The following CEBPE variants were observed in gnomAD, a reference collection of about 807,000 sequenced individuals.
CEBPE encodes the protein CCAAT enhancer binding protein epsilon, also known as CCAAT/enhancer-binding protein epsilon.
Under a neutral mutation model 20.4 loss-of-function variants are expected in CEBPE, and 10 were observed. The observed-to-expected ratio is 0.49, with a 90% CI of 0.30 to 0.83. The LOEUF (loss-of-function observed/expected upper bound fraction) is 0.83. CEBPE is among the 40% of genes least tolerant of loss of function. The pLI is 0.06. For synonymous variants in CEBPE, 179 were observed against 162.6 expected (o/e 1.10, Z -0.77); for missense variants, 389 against 383.3 (o/e 1.01, Z -0.12).
Position 23,119,117 on chromosome 14 carries a change from G to A in CEBPE, c.-26C>T, listed in dbSNP as rs750827018. ...GGCCGGCCCGCCCCCTCGGCTCCCC[G>A]CCCCCACCTGCTCTTGAGGCACCCC... is the stretch of plus-strand genomic sequence containing the variant. On this transcript the variant is annotated 5_prime_UTR_variant, in exon 1 of 2. Coordinates refer to ENST00000206513, the MANE Select transcript of CEBPE (RefSeq NM_001805.4). The A allele has an allele frequency of 2.3e-5, 22 of 950,308 alleles. No homozygotes were observed. The African/African-American group carries it at 4.7e-4, about 20-fold the overall frequency. The allele number at this position is 950,308 out of a possible 1,614,324, so 58.9% of individuals were successfully genotyped here.
rs766049556 is a variant in CEBPE at position 23,118,973 on chromosome 14, A to G, written c.119T>C (p.Ile40Thr). Residue 40 changes from isoleucine to threonine, a missense_variant, in exon 1 of 2, where the codon ATT becomes ACT. Ile to Thr is a moderately conservative substitution (Grantham distance 89). This residue lies in a region of CEBPE where 294 missense variants were observed against 279.7 expected (regional missense o/e 1.05). Coordinates refer to ENST00000206513, the MANE Select transcript of CEBPE (RefSeq NM_001805.4). The surrounding 1 kb of genome is among the most constrained non-coding windows in gnomAD (Gnocchi z 5.5). ...AGACTCGATGTAGGCGGAGAGGTCA[A>G]TGGAGGCCTCATGCTCACACATGTC... ...LGDMCEHEASIDLSAYIESGE... is the reference protein window; with the variant it reads ...LGDMCEHEASTDLSAYIESGE... 1.2e-5 allele frequency: 20 copies of G among 1,613,828 alleles called. No homozygotes were observed. In the Admixed American group the frequency reaches 3.3e-4, roughly 27 times the overall value.
Position 23,118,878 on chromosome 14 carries a change from G to A in CEBPE, c.214C>T (p.Pro72Ser). 1 of 1,614,022 alleles carries A rather than the reference G, an allele frequency of 6.2e-7. No homozygotes were observed. The highest frequency in any genetic ancestry group is 8.5e-7 in the Non-Finnish European group (1 of 1,179,972). ...PAPEARGLKG[P>S]GTPAFPHYLP... ...TAGTGGGGGAAGGCAGGGGTTCCGG[G>A]GCCCTTGAGGCCTCTGGCCTCAGGC... is the stretch of plus-strand genomic sequence containing the variant. The change falls in exon 1 of 2, where the codon CCC becomes TCC. Residue 72 changes from proline to serine, a missense_variant. Pro to Ser is a moderately conservative substitution (Grantham distance 74). Around this residue, in one of 3 missense-constraint regions of CEBPE, gnomAD observed 294 missense variants for 279.7 expected, o/e 1.05. Coordinates refer to ENST00000206513, the MANE Select transcript of CEBPE (RefSeq NM_001805.4). The surrounding 1 kb of genome is among the most constrained non-coding windows in gnomAD (Gnocchi z 5.5).
Position 23,119,186 on chromosome 14 carries a change from G to A in CEBPE, c.-95C>T. ...CCTCTCTCTACCTCCTCCTGACCTGGGCCTGCCCTCTCTCGATCTTCTGCC... is the reference window on the plus strand; with the variant it reads ...CCTCTCTCTACCTCCTCCTGACCTGAGCCTGCCCTCTCTCGATCTTCTGCC... On this transcript the variant is annotated 5_prime_UTR_variant, in exon 1 of 2. Coordinates refer to ENST00000206513, the MANE Select transcript of CEBPE (RefSeq NM_001805.4). 1 of 833,600 alleles carries A rather than the reference G, an allele frequency of 1.2e-6. No homozygotes were observed. Among genetic ancestry groups the A allele is most frequent in the African/African-American group, 1.7e-5 (1 of 59,248 alleles). 51.6% of individuals were successfully genotyped at this position (833,600 alleles called of 1,614,324 possible).
chr14:23,118,698 C>T lies in CEBPE; in HGVS notation c.394G>A (p.Ala132Thr). 1.2e-6 allele frequency: 2 copies of T among 1,613,272 alleles called. No homozygotes were observed. The highest frequency in any genetic ancestry group is 1.7e-6 in the Non-Finnish European group (2 of 1,179,906). ...EEPRGPEGSR[A>T]ASRGSYNPLQ... ...GGATTGTAGCTGCCTCGGCTGGCAG[C>T]TCGGCTGCCCTCTGGCCCCCGGGGC... The change falls in exon 1 of 2, where the codon GCT (alanine) becomes ACT (threonine). Residue 132 changes from alanine to threonine, a missense_variant. Physicochemically the swap from Ala to Thr is moderately conservative, Grantham distance 58 (BLOSUM62 0). This residue lies in a region of CEBPE where 294 missense variants were observed against 279.7 expected (regional missense o/e 1.05). Transcript: ENST00000206513. This position sits in a 1 kb window ranked among gnomAD's most constrained non-coding sequence, Gnocchi z 5.5.
rs1433033805 is a variant in CEBPE at position 23,117,538 on chromosome 14, G to C, written c.795C>G (p.Arg265=). The change falls in exon 2 of 2, where the codon CGC becomes CGG. Residue 265 remains arginine, a synonymous_variant. Coordinates refer to ENST00000206513, the MANE Select transcript of CEBPE (RefSeq NM_001805.4). ...QELDTLRNLF[R]QIPEAANLIK... ...TGAGGTTGGCCGCCTCAGGAATCTG[G>C]CGGAAGAGGTTGCGGAGGGTGTCTA... The C allele has an allele frequency of 6.2e-7, 1 of 1,613,826 alleles. No homozygotes were observed. Among genetic ancestry groups the C allele is most frequent in the Non-Finnish European group, 8.5e-7 (1 of 1,180,032 alleles).
At position 23,118,493 on chromosome 14, in the gene CEBPE, G is replaced by C; in HGVS notation, c.510+89C>G. 6.8e-7 allele frequency: 1 copy of C among 1,475,588 alleles called. No homozygotes were observed. The highest frequency in any genetic ancestry group is 9.0e-7 in the Non-Finnish European group (1 of 1,105,056). The allele number at this position is 1,475,588 out of a possible 1,614,324, so 91.4% of individuals were successfully genotyped here. ...TTTCACAGAGCGACACCAAGCACAG[G>C]CTCAGCAGCATGAGCCGGGGCACAG... is the stretch of plus-strand genomic sequence containing the variant. On this transcript the variant is annotated intron_variant, in intron 1 of 1. Coordinates refer to ENST00000206513, the MANE Select transcript of CEBPE (RefSeq NM_001805.4). The surrounding 1 kb of genome is among the most constrained non-coding windows in gnomAD (Gnocchi z 5.5).
In CEBPE at chr14:23,117,383, T is replaced by C; in HGVS notation, c.*104A>G. The C allele has an allele frequency of 7.9e-7, 1 of 1,262,794 alleles. No homozygotes were observed. The highest frequency in any genetic ancestry group is 1.3e-5 in the South Asian group (1 of 78,148). The allele number at this position is 1,262,794 out of a possible 1,614,324, so 78.2% of individuals were successfully genotyped here. A position where few individuals can be genotyped will look rare whatever the true frequency, so the allele number is the denominator to read the frequency against. Reference sequence around the variant, plus strand: ...CCCTCTTTGCCACCCCGGTTGCCATTTATCCATGGTCTATGTCTCAGGGTT... The same window carrying C: ...CCCTCTTTGCCACCCCGGTTGCCATCTATCCATGGTCTATGTCTCAGGGTT... On this transcript the variant is annotated 3_prime_UTR_variant, in exon 2 of 2. Coordinates refer to ENST00000206513, the MANE Select transcript of CEBPE (RefSeq NM_001805.4).
rs773106701 is a variant in CEBPE, at chr14:23,118,604, C to A, written c.488G>T (p.Gly163Val). 1.2e-6 allele frequency: 2 copies of A among 1,609,612 alleles called. No homozygotes were observed. The highest frequency in any genetic ancestry group is 2.2e-5 in the South Asian group (2 of 90,968). Residue 163 changes from glycine (G) to valine (V), a missense_variant, in exon 1 of 2, where the codon GGC becomes GTC. Gly to Val is a moderately radical substitution (Grantham distance 109, BLOSUM62 -3). This residue lies in a region of CEBPE where 294 missense variants were observed against 279.7 expected (regional missense o/e 1.05). Transcript: ENST00000206513. The surrounding 1 kb of genome is among the most constrained non-coding windows in gnomAD (Gnocchi z 5.5). ...MHLPPTLAAP[G>V]QPLRVLKAPL... ...TACCTTGAGAACGCGCAGAGGCTGG[C>A]CGGGTGCTGCCAGAGTTGGGGGCAG...
rs1157560126 is a variant in CEBPE, at chr14:23,117,613, C to G, written c.720G>C (p.Met240Ile). 1 of 1,614,198 alleles carries G rather than the reference C, an allele frequency of 6.2e-7. No homozygotes were observed. Among genetic ancestry groups the G allele is most frequent in the Non-Finnish European group, 8.5e-7 (1 of 1,180,046 alleles). ...GGCTGCGGAGGCGCTCGTTCTCTGC[C>G]ATGTACTCCAGCACCTTCTGCTGCG... ...LETQQKVLEY[M>I]AENERLRSRV... Residue 240 changes from methionine to isoleucine, a missense_variant, in exon 2 of 2, where the codon ATG becomes ATC. By Grantham distance (10) the Met-to-Ile change is conservative. Around this residue, in one of 3 missense-constraint regions of CEBPE, gnomAD observed 87 missense variants for 78.5 expected, o/e 1.11. Transcript: ENST00000206513.
chr14:23,118,552 C>A lies in CEBPE; in HGVS notation c.510+30G>T. The A allele has an allele frequency of 6.3e-7, 1 of 1,592,932 alleles. No homozygotes were observed. Among genetic ancestry groups the A allele is most frequent in the Non-Finnish European group, 8.5e-7 (1 of 1,174,884 alleles). ...CCACACCAGCCTCTCCAGCCCCGGGCAGGAGGGAGGAGGGCTGGCCTGCTC... is the reference window on the plus strand; with the variant it reads ...CCACACCAGCCTCTCCAGCCCCGGGAAGGAGGGAGGAGGGCTGGCCTGCTC... On this transcript the variant is annotated intron_variant, in intron 1 of 1. Coordinates refer to ENST00000206513, the MANE Select transcript of CEBPE (RefSeq NM_001805.4). This position sits in a 1 kb window ranked among gnomAD's most constrained non-coding sequence, Gnocchi z 5.5.
Position 23,117,691 on chromosome 14 carries a change from G to A in CEBPE, c.642C>T (p.Asn214=), listed in dbSNP as rs2048515701. ...CTCGGCTCTTGCGCACGGCGATGTTGTTGCGCTCCCGCCTCAGCCGGTACT... is the reference window on the plus strand; with the variant it reads ...CTCGGCTCTTGCGCACGGCGATGTTATTGCGCTCCCGCCTCAGCCGGTACT... ...SLEYRLRRER[N]NIAVRKSRDK... is the part of the protein sequence containing the mutation. Residue 214 remains asparagine, a synonymous_variant, in exon 2 of 2, where the codon AAC becomes AAT. Transcript: ENST00000206513. 1 of 1,614,170 alleles carries A rather than the reference G, an allele frequency of 6.2e-7. No homozygotes were observed. Among genetic ancestry groups the A allele is most frequent in the Non-Finnish European group, 8.5e-7 (1 of 1,180,036 alleles).
rs1356028403 is a variant in CEBPE, at chr14:23,117,626, A to G, written c.707T>C (p.Val236Ala). 1.2e-6 allele frequency: 2 copies of G among 1,613,944 alleles called. No homozygotes were observed. Among genetic ancestry groups the G allele is most frequent in the Non-Finnish European group, 1.7e-6 (2 of 1,180,018 alleles). Residue 236 changes from valine to alanine, a missense_variant, in exon 2 of 2, where the codon GTG becomes GCG. Val to Ala is a moderately conservative substitution (Grantham distance 64). Around this residue, in one of 3 missense-constraint regions of CEBPE, gnomAD observed 87 missense variants for 78.5 expected, o/e 1.11. Transcript: ENST00000206513. ...KRRILETQQK[V>A]LEYMAENERL... ...CTCGTTCTCTGCCATGTACTCCAGCACCTTCTGCTGCGTCTCCAGAATGCG... is the reference window on the plus strand; with the variant it reads ...CTCGTTCTCTGCCATGTACTCCAGCGCCTTCTGCTGCGTCTCCAGAATGCG...
chr14:23,117,721 GCTAT>G lies in CEBPE; in HGVS notation c.608_611del (p.Asp203AlafsTer6), dbSNP rs761813926. On this transcript the variant is annotated frameshift_variant, in exon 2 of 2. Transcript: ENST00000206513. LOFTEE classifies it high-confidence loss of function. ...GCTCCCGCCTCAGCCGGTACTCAAG[GCTAT>G]CTTTGTTCACTGCCTTCTTGCCCTT... 2 of 1,614,040 alleles carry G rather than the reference GCTAT, an allele frequency of 1.2e-6. No homozygotes were observed. Among genetic ancestry groups the G allele is most frequent in the African/African-American group, 1.3e-5 (1 of 74,942 alleles).
chr14:23,119,195 T>C lies in CEBPE; in HGVS notation c.-104A>G. The stretch of plus-strand genomic sequence containing the variant: ...ACCTCCTCCTGACCTGGGCCTGCCC[T>C]CTCTCGATCTTCTGCCCTAGACCTG... On this transcript the variant is annotated 5_prime_UTR_variant, in exon 1 of 2. Transcript: ENST00000206513. 1 of 760,106 alleles carries C rather than the reference T, an allele frequency of 1.3e-6. No individual in the cohort carries two copies. Among genetic ancestry groups the C allele is most frequent in the Non-Finnish European group, 2.2e-6 (1 of 464,358 alleles). The allele number at this position is 760,106 out of a possible 1,614,324, so 47.1% of individuals were successfully genotyped here. A position where few individuals can be genotyped will look rare whatever the true frequency, so the allele number is the denominator to read the frequency against.
In CEBPE at chr14:23,119,210, C is replaced by A. The variant is rs181016963; in HGVS notation, c.-119G>T. ...GGGCCTGCCCTCTCTCGATCTTCTGCCCTAGACCTGCCCTCTGCAGTCTCC... is the reference window on the plus strand; with the variant it reads ...GGGCCTGCCCTCTCTCGATCTTCTGACCTAGACCTGCCCTCTGCAGTCTCC... On this transcript the variant is annotated 5_prime_UTR_variant, in exon 1 of 2. Transcript: ENST00000206513. The A allele has an allele frequency of 4.0e-5, 28 of 699,254 alleles. No homozygotes were observed. The East Asian group carries it at 5.9e-4, about 15-fold the overall frequency. 43.3% of individuals were successfully genotyped at this position (699,254 alleles called of 1,614,324 possible).
Position 23,118,819 on chromosome 14 carries a change from A to C in CEBPE, c.273T>G (p.Pro91=). 1 of 1,613,588 alleles carries C rather than the reference A, an allele frequency of 6.2e-7. No individual in the cohort carries two copies. Among genetic ancestry groups the C allele is most frequent in the Non-Finnish European group, 8.5e-7 (1 of 1,179,808 alleles). The change falls in exon 1 of 2, where the codon CCT becomes CCG. Residue 91 remains proline (P), a synonymous_variant. Transcript: ENST00000206513. The surrounding 1 kb of genome is among the most constrained non-coding windows in gnomAD (Gnocchi z 5.5). Reference sequence around the variant, plus strand: ...TCCTGTCTGGGCCGAAGGTATGTGGAGGGTAGGCAAAGGGCCGAGGGTCAG... The same window carrying C: ...TCCTGTCTGGGCCGAAGGTATGTGGCGGGTAGGCAAAGGGCCGAGGGTCAG... ...LPPDPRPFAY[P]PHTFGPDRKA...
chr14:23,118,749 G>C lies in CEBPE; in HGVS notation c.343C>G (p.Pro115Ala), dbSNP rs1462971245. Reference protein sequence around the residue: ...GIYSSPGSYDPRAVAVKEEPR... With the variant: ...GIYSSPGSYDARAVAVKEEPR... ...TCCTCCTTCACCGCCACAGCCCTGG[G>C]GTCGTAGCTCCCTGGGCTGCTGTAG... is the stretch of plus-strand genomic sequence containing the variant. The change falls in exon 1 of 2, where the codon CCC becomes GCC. Residue 115 changes from proline to alanine, a missense_variant. Transcript: ENST00000206513. This position sits in a 1 kb window ranked among gnomAD's most constrained non-coding sequence, Gnocchi z 5.5. 1.2e-6 allele frequency: 2 copies of C among 1,613,398 alleles called. No individual in the cohort carries two copies.
Position 23,119,011 on chromosome 14 carries a change from G to T in CEBPE, c.81C>A (p.Pro27=). 1 of 1,613,452 alleles carries T rather than the reference G, an allele frequency of 6.2e-7. No individual in the cohort carries two copies. The highest frequency in any genetic ancestry group is 8.5e-7 in the Non-Finnish European group (1 of 1,179,954). Residue 27 remains proline, a synonymous_variant, in exon 1 of 2, where the codon CCC becomes CCA. Coordinates refer to ENST00000206513, the MANE Select transcript of CEBPE (RefSeq NM_001805.4). ...GCTCACACATGTCCCCTAGCTCCCC[G>T]GGCCCAGCTCGGCCCCCTGAGAACT... The part of the protein sequence containing the change: ...PLEFSGGRAG[P]GELGDMCEHE...
chr14:23,118,285 G>A lies in CEBPE; in HGVS notation c.510+297C>T, dbSNP rs1269890005. Among the ~76,000 whole-genome samples the A allele has an allele frequency of 6.6e-6, 1 of 152,082 alleles. No homozygotes were observed. Among genetic ancestry groups the A allele is most frequent in the Non-Finnish European group, 1.5e-5 (1 of 68,004 alleles). On this transcript the variant is annotated intron_variant, in intron 1 of 1. Transcript: ENST00000206513. This position sits in a 1 kb window ranked among gnomAD's most constrained non-coding sequence, Gnocchi z 5.5. ...GTAGACATTTCTCACAGAAGCAGGCGGCAGAGAAACAAGAGGAGGGGGCAT... is the reference window on the plus strand; with the variant it reads ...GTAGACATTTCTCACAGAAGCAGGCAGCAGAGAAACAAGAGGAGGGGGCAT...
Sources: allele counts gnomAD v4.1 joint callset (sites outside exome capture counted in the v4.1 genomes callset), GRCh38; gene constraint gnomAD v4.1.1; regional missense constraint gnomAD v4.1.1; non-coding constraint Gnocchi (gnomAD v3.1); transcripts MANE v1.5; gene names NCBI Gene and HGNC (gene_info 2026-07-23, HGNC 2026-07-21).